GALK2: variants seen among roughly 807,000 people sequenced by gnomAD.
GALK2 encodes N-acetylgalactosamine kinase.
A neutral mutation model predicts 52.4 loss-of-function variants in GALK2; 36 were observed. The ratio of observed to expected loss-of-function variants is 0.69; its 90% CI spans 0.53 to 0.91. The LOEUF is 0.91. Among genes scored for constraint, GALK2 ranks in the 40% least tolerant of loss-of-function variants. GALK2 has a pLI of 0.00. For missense variants in GALK2, 579 were observed against 559.1 expected (o/e 1.04, Z -0.36); for synonymous variants, 176 against 199.1 (o/e 0.88, Z 0.98).
rs532617926 is a variant in GALK2 at position 49,213,288 on chromosome 15, T to G, written c.143-3902T>G. On this transcript the variant is annotated intron_variant, in intron 2 of 9. Transcript: ENST00000560031. ...AGTTTTTATCTTGAATCCTGTTTAT[T>G]TATGCATAACTACTCTTGCTCTCGT... Among the ~76,000 whole-genome samples, 5 of 152,362 alleles carry G rather than the reference T, an allele frequency of 3.3e-5. No individual in the cohort carries two copies. The South Asian group carries it at 1.0e-3, about 32-fold the overall frequency.
intron 5 of GALK2, among the ~76,000 whole-genome samples, chr15:49,278,130 G>A (rs1453228780): frequency 4.6e-5 from 7 of 151,966 alleles, no homozygotes; most frequent in African/African-American, 7.2e-5. Flanking sequence ...GCGTGGTGGC[G>A]GGCGCCTGTA....
At chr15:49,268,739 G>A (rs557922861) in intron 5 of GALK2, among the ~76,000 whole-genome samples, 7 of 152,224 alleles carry the variant, frequency 4.6e-5, no homozygotes, top group Middle Eastern at 3.4e-3. Context: ...TTTAGACAAT[G>A]TTAGCATCTT....
At chr15:49,327,901 C>T (rs1567069805) in intron 9 of GALK2, 51 bp from the exon 10 acceptor site, 3 of 1,549,358 alleles carry the variant, frequency 1.9e-6, no homozygotes, top group African/African-American at 1.4e-5. Context: ...CCAAGCAAAT[C>T]CCTTGTATTT....
At chr15:49,245,488 A>T (rs1311111390) in intron 5 of GALK2, among the ~76,000 whole-genome samples, 1 of 152,194 alleles carries the variant, frequency 6.6e-6, no homozygotes, top group Non-Finnish European at 1.5e-5. Context: ...AAGTAAGATG[A>T]CCTGTATGAC....
chr15:49,178,207 A>G (rs2085639631), intron 1 of GALK2, among the ~76,000 whole-genome samples: 1 of 113,070 alleles, frequency 8.8e-6, no homozygotes, highest in Admixed American at 1.0e-4. Flanking sequence ...ATATATATAT[A>G]TATATATATA....
intron 8 of GALK2, among the ~76,000 whole-genome samples, chr15:49,294,139 TCAAATAAA>T (rs1478021443): frequency 1.2e-5 from 1 of 86,350 alleles, no homozygotes; most frequent in Non-Finnish European, 2.2e-5. Context: ...AGACCCTGTC[TCAAATAAA>T]TAAATAAATA....
At chr15:49,308,277 A>G (rs2035709384) in intron 8 of GALK2, among the ~76,000 whole-genome samples, 1 of 152,178 alleles carries the variant, frequency 6.6e-6, no homozygotes, top group African/African-American at 2.4e-5. Flanking sequence ...GGTTTAGCCT[A>G]GTGGAGCTTT....
At chr15:49,299,840 T>A (rs2034947469) in intron 8 of GALK2, among the ~76,000 whole-genome samples, 1 of 151,044 alleles carries the variant, frequency 6.6e-6, no homozygotes, top group African/African-American at 2.4e-5. Context: ...TTTTTTTAAT[T>A]TGTTGAGAAT....
At chr15:49,229,572 T>C (rs2090386872) in intron 3 of GALK2, among the ~76,000 whole-genome samples, 1 of 152,112 alleles carries the variant, frequency 6.6e-6, no homozygotes, top group Non-Finnish European at 1.5e-5. Flanking sequence ...TGGTGGTAGA[T>C]TGGTCACAGC....
Position 49,236,014 on chromosome 15 carries a change from C to T in GALK2, c.357+73C>T, listed in dbSNP as rs974925047. 13 of 927,132 alleles carry T rather than the reference C, an allele frequency of 1.4e-5. No individual in the cohort carries two copies. In the East Asian group the frequency reaches 3.1e-4, roughly 22 times the overall value. 57.4% of individuals were successfully genotyped at this position (927,132 alleles called of 1,614,324 possible). A position where few individuals can be genotyped will look rare whatever the true frequency, so the allele number is the denominator to read the frequency against. On this transcript the variant is annotated intron_variant, in intron 4 of 9. Transcript: ENST00000560031. ...TATTCTGTCAGATTTATTTTATTTACTACATCTTTTTCATCTCCTTACAGT... is the reference window on the plus strand; with the variant it reads ...TATTCTGTCAGATTTATTTTATTTATTACATCTTTTTCATCTCCTTACAGT...
intron 1 of GALK2, among the ~76,000 whole-genome samples, chr15:49,160,691 C>T (rs140365247): frequency 0.068 from 10,353 of 151,998 alleles, 737 homozygotes; most frequent in African/African-American, 0.17. Flanking sequence ...GGTGAAACCC[C>T]GTCTCTACTA....
intron 7 of GALK2, among the ~76,000 whole-genome samples, chr15:49,288,812 A>G (rs976932392): frequency 1.3e-5 from 2 of 152,224 alleles, no homozygotes; most frequent in African/African-American, 4.8e-5. Flanking sequence ...TATTTTAGAA[A>G]TATTAATATG....
chr15:49,264,070 G>A (rs912902613), intron 5 of GALK2, among the ~76,000 whole-genome samples: 10 of 151,844 alleles, frequency 6.6e-5, no homozygotes, highest in African/African-American at 2.4e-4. Context: ...TTCTCGAGGA[G>A]TATCTTTGTG....
At chr15:49,221,929 A>AT (rs1424375132) in intron 3 of GALK2, among the ~76,000 whole-genome samples, 1 of 151,624 alleles carries the variant, frequency 6.6e-6, no homozygotes, top group African/African-American at 2.4e-5. Context: ...ATATTTTTCT[A>AT]TTTTTGTGAA....
chr15:49,160,586 C>T (rs556734989), intron 1 of GALK2, among the ~76,000 whole-genome samples: 10 of 152,180 alleles, frequency 6.6e-5, no homozygotes, highest in African/African-American at 1.9e-4. Context: ...GTACCCAGGC[C>T]GGGTGCGGTG....
At chr15:49,161,548 TA>T (rs1244172428) in intron 1 of GALK2, among the ~76,000 whole-genome samples, 2 of 152,180 alleles carry the variant, frequency 1.3e-5, no homozygotes, top group Non-Finnish European at 2.9e-5. Flanking sequence ...TAGAAAATTG[TA>T]ATTTTAACAG....
intron 5 of GALK2, among the ~76,000 whole-genome samples, chr15:49,244,458 A>G (rs930146130): frequency 1.3e-5 from 2 of 152,210 alleles, no homozygotes; most frequent in African/African-American, 4.8e-5. Context: ...AGGATCAGAA[A>G]TGTAAATTAA....
downstream of GALK2, chr15:49,335,419 A>G: frequency 6.3e-7 from 1 of 1,595,572 alleles, no homozygotes; most frequent in South Asian, 1.1e-5. Context: ...ATCAACTTAC[A>G]TCCTAAAATC....
upstream of GALK2, among the ~76,000 whole-genome samples, chr15:49,168,008 CAA>C (rs201216566): frequency 5.9e-3 from 891 of 152,278 alleles, 15 homozygotes; most frequent in African/African-American, 0.021. Flanking sequence ...GGGGTCTCAA[CAA>C]AAGTCACATA....
Sources: allele counts gnomAD v4.1 joint callset (sites outside exome capture counted in the v4.1 genomes callset), GRCh38; gene constraint gnomAD v4.1.1; transcripts MANE v1.5; gene names NCBI Gene and HGNC (gene_info 2026-07-23, HGNC 2026-07-21).